The following LMO7 variants were observed in gnomAD, a reference collection of about 807,000 sequenced individuals.
LMO7 encodes LIM domain only protein 7.
A neutral mutation model predicts 206.5 loss-of-function variants in LMO7; 120 were observed. That is an observed-to-expected ratio of 0.58 (90% CI 0.50 to 0.68). The LOEUF is 0.68. Ranked by LOEUF, LMO7 falls within the 30% of genes least tolerant of loss-of-function variation. The pLI is 0.00. For missense variants in LMO7, 1,959 were observed against 1,957.9 expected (o/e 1.00, Z -0.01); for synonymous variants, 706 against 681.5 (o/e 1.04, Z -0.56).
At chr13:75,839,052 G>T (rs577124542) in intron 20 of LMO7, among the ~76,000 whole-genome samples, 1 of 152,242 alleles carries the variant, frequency 6.6e-6, no homozygotes, top group South Asian at 2.1e-4. Context: ...TGTGTATTTT[G>T]TGTTAATCAC....
chr13:75,730,203 G>A (rs2044997302), intron 3 of LMO7, among the ~76,000 whole-genome samples: 1 of 152,138 alleles, frequency 6.6e-6, no homozygotes, highest in Non-Finnish European at 1.5e-5. Context: ...AGAAGGAATG[G>A]TACCAGTTCC....
At chr13:75,812,388 T>C (rs2056499173) in intron 11 of LMO7, among the ~76,000 whole-genome samples, 1 of 152,234 alleles carries the variant, frequency 6.6e-6, no homozygotes, top group African/African-American at 2.4e-5. Flanking sequence ...GAAATATACT[T>C]AGAGGTACAT....
At chr13:75,622,928 T>C (rs2033506916) in intron 1 of LMO7, among the ~76,000 whole-genome samples, 1 of 152,226 alleles carries the variant, frequency 6.6e-6, no homozygotes, top group Non-Finnish European at 1.5e-5. Context: ...AAAATGTTAC[T>C]ATAAAATTAT....
In LMO7 at chr13:75,726,555, T is replaced by C. The variant is rs113006523; in HGVS notation, c.141-474T>C. 2.7e-3 allele frequency among the ~76,000 whole-genome samples: 411 copies of C among 152,176 alleles called. 3 individuals carry two copies. Among genetic ancestry groups the C allele is most frequent in the African/African-American group, 9.7e-3 (403 of 41,560 alleles). On this transcript the variant is annotated intron_variant, in intron 2 of 30. Coordinates refer to ENST00000377534, the MANE Select transcript of LMO7 (RefSeq NM_001306080.2). Reference sequence around the variant, plus strand: ...CCAATAAAAACTAGTTCACTATTTGTATGAGTCCAGCTCACCTTTTAAATG... The same window carrying C: ...CCAATAAAAACTAGTTCACTATTTGCATGAGTCCAGCTCACCTTTTAAATG...
At chr13:75,634,945 G>T (rs1478143447), upstream of LMO7, among the ~76,000 whole-genome samples, 1 of 151,974 alleles carries the variant, frequency 6.6e-6, no homozygotes, top group Non-Finnish European at 1.5e-5. Flanking sequence ...GACGGAGGTT[G>T]CAGTGAGCCG....
chr13:75,856,470 A>C (rs1291181510), intron 29 of LMO7, 36 bp from the exon 30 acceptor site: 18 of 1,273,844 alleles, frequency 1.4e-5, no homozygotes, highest in Non-Finnish European at 2.0e-5. Flanking sequence ...TCTTGAGCTG[A>C]CTGATTGTAG....
At chr13:75,842,490 T>C (rs548847275) in intron 24 of LMO7, among the ~76,000 whole-genome samples, 1 of 152,294 alleles carries the variant, frequency 6.6e-6, no homozygotes, top group African/African-American at 2.4e-5. Context: ...CTGTATACTC[T>C]TATTTTATAT....
At chr13:75,737,853 A>AAC (rs1555305875) in intron 3 of LMO7, among the ~76,000 whole-genome samples, 48 of 145,742 alleles carry the variant, frequency 3.3e-4, no homozygotes, top group African/African-American at 1.0e-3. Context: ...AAAAAAAAAA[A>AAC]AAAAAAAAAA....
chr13:75,625,678 G>C (rs2033958379), intron 2 of LMO7, among the ~76,000 whole-genome samples: 1 of 152,192 alleles, frequency 6.6e-6, no homozygotes, highest in African/African-American at 2.4e-5. Flanking sequence ...GAAGACCAAA[G>C]AGATTTATAG....
At chr13:75,776,229 G>A (rs2050479668) in intron 4 of LMO7, among the ~76,000 whole-genome samples, 2 of 119,130 alleles carry the variant, frequency 1.7e-5, no homozygotes, top group Admixed American at 1.8e-4. Context: ...GTAAGTGATT[G>A]TGTCTAAGGG....
intron 1 of LMO7, among the ~76,000 whole-genome samples, chr13:75,659,591 A>G (rs1658694889): frequency 6.6e-6 from 1 of 152,136 alleles, no homozygotes; most frequent in Admixed American, 6.5e-5. Flanking sequence ...CTTATTCACT[A>G]TGACAAGAAT....
chr13:75,776,193 AT>A (rs2140180172), intron 4 of LMO7, among the ~76,000 whole-genome samples: 1 of 98,244 alleles, frequency 1.0e-5, no homozygotes, highest in African/African-American at 3.8e-5. Context: ...ATATATATAT[AT>A]ATATATATAT....
At chr13:75,675,413 T>C (rs1303189225) in intron 1 of LMO7, among the ~76,000 whole-genome samples, 1 of 152,228 alleles carries the variant, frequency 6.6e-6, no homozygotes, top group East Asian at 1.9e-4. Context: ...CTTTCAGTTA[T>C]AAAATCTTTT....
Position 75,835,772 on chromosome 13 carries a change from G to A in LMO7, c.3333+433G>A, listed in dbSNP as rs2059064657. On this transcript the variant is annotated intron_variant, in intron 18 of 30. Transcript: ENST00000377534. ...AAGCATTTTTAGTTTTTGTGTAGGT[G>A]AATTTGATGGGTAGACTTACATATG... Among the ~76,000 whole-genome samples the A allele has an allele frequency of 1.3e-5, 2 of 152,116 alleles. 1 individual carries two copies. Among genetic ancestry groups the A allele is most frequent in the African/African-American group, 4.8e-5 (2 of 41,430 alleles).
At chr13:75,693,866 T>C (rs2041691139) in intron 1 of LMO7, among the ~76,000 whole-genome samples, 1 of 152,222 alleles carries the variant, frequency 6.6e-6, no homozygotes, top group Admixed American at 6.5e-5. Flanking sequence ...AGCTCCCCCA[T>C]CTTGCTGTCT....
At chr13:75,715,386 G>A (rs1206032719) in intron 2 of LMO7, among the ~76,000 whole-genome samples, 3 of 152,152 alleles carry the variant, frequency 2.0e-5, no homozygotes, top group Non-Finnish European at 2.9e-5. Context: ...AGATATATTG[G>A]CTTTTTAAAA....
intron 17 of LMO7, among the ~76,000 whole-genome samples, chr13:75,834,970 C>G (rs1411829249): frequency 2.6e-5 from 4 of 152,136 alleles, no homozygotes; most frequent in African/African-American, 7.2e-5. Flanking sequence ...TGATTTAACC[C>G]TTGTGTTTTG....
At chr13:75,629,321 G>A (rs931838581) in intron 2 of LMO7, among the ~76,000 whole-genome samples, 4 of 152,144 alleles carry the variant, frequency 2.6e-5, no homozygotes, top group African/African-American at 9.7e-5. Flanking sequence ...TTGAATACTA[G>A]ATATGTGTCA....
At chr13:75,843,614 C>T (rs2059727145) in intron 25 of LMO7, among the ~76,000 whole-genome samples, 1 of 152,148 alleles carries the variant, frequency 6.6e-6, no homozygotes, top group South Asian at 2.1e-4. Flanking sequence ...GTTAGAACTA[C>T]TGGTCAGTTT....
Sources: allele counts gnomAD v4.1 joint callset (sites outside exome capture counted in the v4.1 genomes callset), GRCh38; gene constraint gnomAD v4.1.1; transcripts MANE v1.5; gene names NCBI Gene and HGNC (gene_info 2026-07-23, HGNC 2026-07-21).